GALNT18: variants seen among roughly 807,000 people sequenced by gnomAD.
The protein encoded by GALNT18 is GalNAc-transferase 18.
Under a neutral mutation model 69.5 loss-of-function variants are expected in GALNT18, and 44 were observed. The observed-to-expected ratio is 0.63, with a 90% CI of 0.50 to 0.81. The LOEUF (loss-of-function observed/expected upper bound fraction) is 0.81, where lower values mean the gene tolerates loss of function less well. Among genes scored for constraint, GALNT18 ranks in the 40% least tolerant of loss-of-function variants. The probability of loss-of-function intolerance (pLI) is 0.00; values close to 1 mark genes in which losing one functional copy is unlikely to be tolerated. For synonymous variants in GALNT18, 364 were observed against 318.2 expected, an observed-to-expected ratio of 1.14 and a Z score of -1.53; for missense variants, 715 against 810.0, an observed-to-expected ratio of 0.88 and a Z score of 1.42.
chr11:11,556,715 C>T (rs7126296), intron 1 of GALNT18, among the ~76,000 whole-genome samples: 69,926 of 152,094 alleles, frequency 0.46, 18,933 homozygotes, highest in Non-Finnish European at 0.6. Context: ...AAACATTTCA[C>T]GATATGTCAA....
chr11:11,288,812 G>A (rs1462563404), intron 10 of GALNT18, among the ~76,000 whole-genome samples: 1 of 152,114 alleles, frequency 6.6e-6, no homozygotes, highest in African/African-American at 2.4e-5. Flanking sequence ...CAGAAAATCA[G>A]GGTATGAGAT....
At chr11:11,281,319 T>G (rs1356877956) in intron 10 of GALNT18, among the ~76,000 whole-genome samples, 1 of 152,192 alleles carries the variant, frequency 6.6e-6, no homozygotes, top group Non-Finnish European at 1.5e-5. Flanking sequence ...AAATGGTCAT[T>G]TCTGTCCTGA....
rs1854091283 is a variant in GALNT18 at position 11,387,819 on chromosome 11, G to T, written c.596-8555C>A. Among the ~76,000 whole-genome samples the T allele has an allele frequency of 6.6e-6, 1 of 152,230 alleles. No homozygotes were observed. The highest frequency in any genetic ancestry group is 1.5e-5 in the Non-Finnish European group (1 of 68,048). ...TGGTCCTGCTGATGAATGATGGTGA[G>T]CCTGGCTTGGGCAGCTGGGATCCCG... On this transcript the variant is annotated intron_variant, in intron 3 of 10. Transcript: ENST00000227756. This position sits in a 1 kb window ranked among gnomAD's most constrained non-coding sequence, Gnocchi z 4.6.
chr11:11,342,038 G>A (rs1298032757), intron 6 of GALNT18, among the ~76,000 whole-genome samples: 1 of 151,936 alleles, frequency 6.6e-6, no homozygotes, highest in Non-Finnish European at 1.5e-5. Flanking sequence ...GATATTCAGA[G>A]TAGAGCCAAT....
chr11:11,320,684 C>A lies in GALNT18; in HGVS notation c.1512+6402G>T, dbSNP rs1403211190. Among the ~76,000 whole-genome samples the A allele has an allele frequency of 6.6e-6, 1 of 152,156 alleles. No individual in the cohort carries two copies. Among genetic ancestry groups the A allele is most frequent in the Admixed American group, 6.5e-5 (1 of 15,278 alleles). On this transcript the variant is annotated intron_variant, in intron 9 of 10. Coordinates refer to ENST00000227756, the MANE Select transcript of GALNT18 (RefSeq NM_198516.3). This position sits in a 1 kb window ranked among gnomAD's most constrained non-coding sequence, Gnocchi z 4.9. ...TTTGGGAAGCCTTGCCAGACAGCAG[C>A]CCCTTACCTTTCACTCATCCCCTGC... is the stretch of plus-strand genomic sequence containing the variant.
At chr11:11,278,762 G>A (rs1349197645) in intron 10 of GALNT18, among the ~76,000 whole-genome samples, 2 of 152,062 alleles carry the variant, frequency 1.3e-5, no homozygotes, top group Admixed American at 6.6e-5. Context: ...AATACAGTTC[G>A]ATAGAAGGAA....
rs1312055718 is a variant in GALNT18, at chr11:11,315,294, C to T, written c.1512+11792G>A. ...CCAGGTGGACCTAGCAAGGTCCATTCACTTCCTTTCAGTGGTGCCATCAGG... is the reference window on the plus strand; with the variant it reads ...CCAGGTGGACCTAGCAAGGTCCATTTACTTCCTTTCAGTGGTGCCATCAGG... On this transcript the variant is annotated intron_variant, in intron 9 of 10. Transcript: ENST00000227756. This position sits in a 1 kb window ranked among gnomAD's most constrained non-coding sequence, Gnocchi z 5.6. Among the ~76,000 whole-genome samples the T allele has an allele frequency of 2.6e-5, 4 of 152,164 alleles. No individual in the cohort carries two copies. Among genetic ancestry groups the T allele is most frequent in the African/African-American group, 7.2e-5 (3 of 41,428 alleles).
At chr11:11,346,436 T>C (rs1213253997) in intron 6 of GALNT18, among the ~76,000 whole-genome samples, 1 of 152,232 alleles carries the variant, frequency 6.6e-6, no homozygotes, top group Non-Finnish European at 1.5e-5. Context: ...TAGATTTTAC[T>C]GAACACAATG....
Position 11,359,162 on chromosome 11 carries a change from A to G in GALNT18, c.1092+13353T>C, listed in dbSNP as rs929063200. On this transcript the variant is annotated intron_variant, in intron 6 of 10. Transcript: ENST00000227756. Reference sequence around the variant, plus strand: ...GCTTTACCCAAAACTGTGGTGTCCAATGTTTTTAATTAATTTCCTTATGGC... The same window carrying G: ...GCTTTACCCAAAACTGTGGTGTCCAGTGTTTTTAATTAATTTCCTTATGGC... 3.6e-5 allele frequency among the ~76,000 whole-genome samples: 5 copies of G among 140,028 alleles called. 1 individual carries two copies. Among genetic ancestry groups the G allele is most frequent in the African/African-American group, 7.9e-5 (3 of 37,752 alleles). 91.9% of individuals were successfully genotyped at this position (140,028 alleles called of 152,430 possible).
Position 11,592,602 on chromosome 11 carries a change from C to T in GALNT18, c.235+28757G>A, listed in dbSNP as rs1403313498. 1.3e-5 allele frequency among the ~76,000 whole-genome samples: 2 copies of T among 152,080 alleles called. No individual in the cohort carries two copies. The highest frequency in any genetic ancestry group is 2.4e-5 in the African/African-American group (1 of 41,418). On this transcript the variant is annotated intron_variant, in intron 1 of 10. Transcript: ENST00000227756. The surrounding 1 kb of genome is among the most constrained non-coding windows in gnomAD (Gnocchi z 5.9). ...TTCAGTTACGAAAAAGGGTATAAAC[C>T]GCCATTCCTTCTTAGAAAACCAGAA...
chr11:11,278,188 T>A (rs1410996068), intron 10 of GALNT18, among the ~76,000 whole-genome samples: 1 of 152,138 alleles, frequency 6.6e-6, no homozygotes, highest in Non-Finnish European at 1.5e-5. Flanking sequence ...GGTGCAGGAC[T>A]TAGACTCCAA....
intron 1 of GALNT18, among the ~76,000 whole-genome samples, chr11:11,453,933 T>C (rs1487121): frequency 0.57 from 86,477 of 152,118 alleles, 25,515 homozygotes; most frequent in East Asian, 0.83. Context: ...TTGTTGTTTG[T>C]TTCCCTGACT....
chr11:11,445,841 G>A (rs187674518), intron 2 of GALNT18, among the ~76,000 whole-genome samples: 6 of 152,316 alleles, frequency 3.9e-5, no homozygotes, highest in African/African-American at 1.2e-4. Context: ...GTTCTGTGCA[G>A]AGGGAAGGTC....
At chr11:11,532,768 T>C (rs1202702638) in intron 1 of GALNT18, among the ~76,000 whole-genome samples, 1 of 152,234 alleles carries the variant, frequency 6.6e-6, no homozygotes, top group East Asian at 1.9e-4. Context: ...GGACAAGTGC[T>C]TTCTGACTGA....
chr11:11,506,079 TCA>T (rs1366640386), intron 1 of GALNT18, among the ~76,000 whole-genome samples: 1 of 152,148 alleles, frequency 6.6e-6, no homozygotes, highest in Non-Finnish European at 1.5e-5. Context: ...CTCGGGAGCC[TCA>T]GTGATGAAAG....
In GALNT18 at chr11:11,340,836, A is replaced by G; in HGVS notation, c.1261T>C (p.Trp421Arg). The change falls in exon 7 of 11, where the codon TGG becomes CGG. Residue 421 changes from tryptophan to arginine, a missense_variant. By Grantham distance (101) the Trp-to-Arg change is moderately radical. Transcript: ENST00000227756. This position sits in a 1 kb window ranked among gnomAD's most constrained non-coding sequence, Gnocchi z 4.2. ...DEFKSHVYMA[W>R]NIPQEDSGID... ...ATCCCTACCTCCTGCGGTATGTTCC[A>G]TGCCATGTAGACGTGGCTTTTAAAT... The G allele has an allele frequency of 6.2e-7, 1 of 1,613,284 alleles. No homozygotes were observed. The highest frequency in any genetic ancestry group is 8.5e-7 in the Non-Finnish European group (1 of 1,179,660).
Position 11,612,989 on chromosome 11 carries a change from G to T in GALNT18, c.235+8370C>A, listed in dbSNP as rs187748074. ...ATAAGGGAAGCCACTGAATGTTTAT[G>T]GTGGCTGGACACTCAGGGGTTTCCA... On this transcript the variant is annotated intron_variant, in intron 1 of 10. Transcript: ENST00000227756. Among the ~76,000 whole-genome samples the T allele has an allele frequency of 1.9e-3, 286 of 152,282 alleles. 2 individuals carry two copies. The highest frequency in any genetic ancestry group is 6.6e-3 in the African/African-American group (275 of 41,574).
chr11:11,588,457 C>T (rs1333277045), intron 1 of GALNT18, among the ~76,000 whole-genome samples: 1 of 152,168 alleles, frequency 6.6e-6, no homozygotes, highest in Non-Finnish European at 1.5e-5. Flanking sequence ...ACCTTGATTC[C>T]TGTGAAGCGA....
rs942589386 is a variant in GALNT18, at chr11:11,404,767, C to T, written c.596-25503G>A. 4.2e-4 allele frequency among the ~76,000 whole-genome samples: 64 copies of T among 152,154 alleles called. 2 individuals are homozygous for T. The highest frequency in any genetic ancestry group is 8.8e-5 in the Non-Finnish European group (6 of 68,026). The stretch of plus-strand genomic sequence containing the variant: ...TCAACCTTCCTCCCGGCTCCAGCCC[C>T]GCACAGACCCTGACCATACCCTGGC... On this transcript the variant is annotated intron_variant, in intron 3 of 10. Transcript: ENST00000227756. This position sits in a 1 kb window ranked among gnomAD's most constrained non-coding sequence, Gnocchi z 4.5.
Sources: gnomAD v4.1 joint callset for allele counts (sites outside exome capture counted in the v4.1 genomes callset) on GRCh38, gnomAD v4.1.1 for gene constraint, Gnocchi (gnomAD v3.1) non-coding constraint, MANE v1.5 for transcripts, NCBI Gene and HGNC (gene_info 2026-07-23, HGNC 2026-07-21) for gene names.